CFTR: variants seen among roughly 807,000 people sequenced by gnomAD.
The protein encoded by CFTR is CF transmembrane conductance regulator, also known as cystic fibrosis transmembrane conductance regulator.
A neutral mutation model predicts 171.6 loss-of-function variants in CFTR; 181 were observed. The ratio of observed to expected loss-of-function variants is 1.05; its 90% CI spans 0.93 to 1.19. The LOEUF (loss-of-function observed/expected upper bound fraction) is 1.19. CFTR is among the 50% of genes most tolerant of loss of function. CFTR has a pLI of 0.00. For synonymous variants in CFTR, 583 were observed against 608.0 expected, an observed-to-expected ratio of 0.96 and a Z score of 0.60; for missense variants, 1,968 against 1,734.7, an observed-to-expected ratio of 1.13 and a Z score of -2.39.
At chr7:117,664,303 G>T (rs1166720760) in intron 24 of CFTR, among the ~76,000 whole-genome samples, 1 of 152,128 alleles carries the variant, frequency 6.6e-6, no homozygotes, top group African/African-American at 2.4e-5. Context: ...TATCTGCAAT[G>T]TATACATATT....
chr7:117,612,039 A>ATATATATATATATG (rs1562915126), intron 20 of CFTR, among the ~76,000 whole-genome samples: 9 of 73,648 alleles, frequency 1.2e-4, no homozygotes, highest in East Asian at 1.0e-3. Context: ...ATATATATAT[A>ATATATATATATATG]TATATATATA....
At chr7:117,505,404 G>A (rs1798398185) in intron 2 of CFTR, among the ~76,000 whole-genome samples, 2 of 152,154 alleles carry the variant, frequency 1.3e-5, no homozygotes, top group South Asian at 4.1e-4. Flanking sequence ...ACTATGTGAA[G>A]ACCTAGGTGG....
Position 117,615,701 on chromosome 7 carries a change from C to G in CFTR, c.3468+988C>G, listed in dbSNP as rs924424302. ...TTATAGTAATGCTTATGTGCTAATA[C>G]CATATCAGGGGCACAAATCCCATTG... On this transcript the variant is annotated intron_variant, in intron 21 of 26. Coordinates refer to ENST00000003084, the MANE Select transcript of CFTR (RefSeq NM_000492.4). 2.6e-4 allele frequency among the ~76,000 whole-genome samples: 39 copies of G among 151,778 alleles called. 1 individual carries two copies. The South Asian group carries it at 7.3e-3, about 28-fold the overall frequency.
chr7:117,531,249 T>C (rs1798861467), intron 4 of CFTR, 135 bp downstream of exon 4: 1 of 676,692 alleles, frequency 1.5e-6, no homozygotes, highest in African/African-American at 1.8e-5. Context: ...ATTAAATAAA[T>C]GGCAGGAATA....
chr7:117,545,639 C>T (rs1048148103), intron 9 of CFTR, among the ~76,000 whole-genome samples: 1 of 152,078 alleles, frequency 6.6e-6, no homozygotes, highest in African/African-American at 2.4e-5. Context: ...TGCTCCAAAC[C>T]TGAGAGTAAG....
chr7:117,637,373 A>T, intron 22 of CFTR, among the ~76,000 whole-genome samples: 1 of 152,014 alleles, frequency 6.6e-6, no homozygotes. Flanking sequence ...TAGTCCTATG[A>T]TTAGGTTTTA....
At chr7:117,586,820 C>T (rs1179324569) in intron 11 of CFTR, among the ~76,000 whole-genome samples, 1 of 151,720 alleles carries the variant, frequency 6.6e-6, no homozygotes, top group Non-Finnish European at 1.5e-5. Flanking sequence ...TAACTCTTCG[C>T]ATTCTTGAAG....
At chr7:117,490,138 A>G (rs1006861432) in intron 1 of CFTR, among the ~76,000 whole-genome samples, 2 of 151,980 alleles carry the variant, frequency 1.3e-5, no homozygotes, top group African/African-American at 4.8e-5. Flanking sequence ...TCTGTCACTT[A>G]TTAACAATGT....
intron 22 of CFTR, among the ~76,000 whole-genome samples, chr7:117,630,289 T>C (rs756702470): frequency 1.3e-5 from 2 of 152,192 alleles, no homozygotes; most frequent in Non-Finnish European, 2.9e-5. Context: ...GTAAATGCTA[T>C]GGGAATTCAG....
chr7:117,631,475 C>G (rs1395309901), intron 22 of CFTR, among the ~76,000 whole-genome samples: 3 of 152,276 alleles, frequency 2.0e-5, no homozygotes, highest in African/African-American at 7.2e-5. Context: ...AAACTTTCAT[C>G]TTCCCCCCTT....
intron 21 of CFTR, among the ~76,000 whole-genome samples, chr7:117,624,557 G>A (rs929872756): frequency 1.3e-5 from 2 of 152,168 alleles, no homozygotes; most frequent in Non-Finnish European, 2.9e-5. Context: ...GCTTTGCCTT[G>A]GAATTGAGGC....
intron 21 of CFTR, among the ~76,000 whole-genome samples, chr7:117,617,596 A>G (rs1028767908): frequency 6.6e-6 from 1 of 152,010 alleles, no homozygotes; most frequent in African/African-American, 2.4e-5. Flanking sequence ...ATCTAAAAAA[A>G]AAAATTGATG....
intron 11 of CFTR, among the ~76,000 whole-genome samples, chr7:117,570,216 A>C (rs377198052): frequency 6.6e-6 from 1 of 151,938 alleles, no homozygotes; most frequent in Non-Finnish European, 1.5e-5. Context: ...AACAAACAAA[A>C]AAACAAAAAA....
chr7:117,517,131 G>A (rs1461152503), intron 3 of CFTR, among the ~76,000 whole-genome samples: 2 of 151,878 alleles, frequency 1.3e-5, no homozygotes, highest in East Asian at 1.9e-4. Flanking sequence ...TCTAGATGGC[G>A]ATTGCAATGG....
intron 23 of CFTR, among the ~76,000 whole-genome samples, chr7:117,649,493 G>C (rs1057211151): frequency 3.2e-5 from 4 of 123,700 alleles, no homozygotes; most frequent in Admixed American, 8.1e-5. Flanking sequence ...TAGTGTGTGT[G>C]TGTGTATATA....
rs1798427211 is a variant in CFTR, at chr7:117,506,882, TG to T, written c.165-2150del. ...GTATTTGAAATTTATTGAAATATTT[TG>T]GAAGAGTGACATACCATTTTTGGTA... is the stretch of plus-strand genomic sequence containing the variant. On this transcript the variant is annotated intron_variant, in intron 2 of 26. Coordinates refer to ENST00000003084, the MANE Select transcript of CFTR (RefSeq NM_000492.4). Among the ~76,000 whole-genome samples, 5 of 152,234 alleles carry T rather than the reference TG, an allele frequency of 3.3e-5. No individual in the cohort carries two copies. The South Asian group carries it at 1.0e-3, about 31-fold the overall frequency.
chr7:117,665,648 G>A, intron 26 of CFTR, 84 bp downstream of exon 26: 1 of 880,156 alleles, frequency 1.1e-6, no homozygotes, highest in Non-Finnish European at 1.9e-6. Flanking sequence ...CCTGCAAATT[G>A]CAACAATGTA....
chr7:117,571,603 A>G (rs1337640543), intron 11 of CFTR, among the ~76,000 whole-genome samples: 1 of 152,154 alleles, frequency 6.6e-6, no homozygotes, highest in Non-Finnish European at 1.5e-5. Context: ...GAATAAGAAA[A>G]ATAAAATAGT....
At chr7:117,551,490 A>G (rs1799269995) in intron 10 of CFTR, among the ~76,000 whole-genome samples, 1 of 152,186 alleles carries the variant, frequency 6.6e-6, no homozygotes, top group South Asian at 2.1e-4. Flanking sequence ...TGATAAAGTA[A>G]TAACGTTGTT....
Sources: allele counts gnomAD v4.1 joint callset (sites outside exome capture counted in the v4.1 genomes callset), GRCh38; gene constraint gnomAD v4.1.1; transcripts MANE v1.5; gene names NCBI Gene and HGNC (gene_info 2026-07-23, HGNC 2026-07-21).